Variants in RPS6KC1 observed in about 807,000 individuals in gnomAD.
RPS6KC1 encodes the protein ribosomal protein S6 kinase C1, also known as inactive ribosomal protein S6 kinase delta-1.
A neutral mutation model predicts 103.8 loss-of-function variants in RPS6KC1; 54 were observed. The observed-to-expected ratio is 0.52, with a 90% confidence interval of 0.42 to 0.65. The LOEUF is 0.65. Ranked by LOEUF, RPS6KC1 falls within the 30% of genes least tolerant of loss-of-function variation. The pLI is 0.00. For missense variants in RPS6KC1, 1,151 were observed against 1,253.8 expected (o/e 0.92, Z 1.24); for synonymous variants, 439 against 438.7 (o/e 1.00, Z -0.01).
At chr1:213,101,080 C>T (rs530478769) in intron 3 of RPS6KC1, among the ~76,000 whole-genome samples, 44 of 152,288 alleles carry the variant, frequency 2.9e-4, no homozygotes, top group African/African-American at 9.4e-4. Context: ...TGTGCAACCT[C>T]GCCAGCATCT....
chr1:213,444,042 G>T, the RPS6KC1 span, among the ~76,000 whole-genome samples: 6,733 of 152,274 alleles, frequency 0.044, 167 homozygotes, highest in African/African-American at 0.06. Flanking sequence ...GGAGCCAGCA[G>T]GGTGGTTCCT....
the RPS6KC1 span, among the ~76,000 whole-genome samples, chr1:213,653,356 G>A: frequency 3.3e-5 from 5 of 152,140 alleles, no homozygotes; most frequent in Non-Finnish European, 1.5e-5. Flanking sequence ...CTACTCAAGA[G>A]GCTGAGGTGA....
the RPS6KC1 span, among the ~76,000 whole-genome samples, chr1:213,317,841 A>G: frequency 1.3e-5 from 2 of 152,232 alleles, no homozygotes; most frequent in African/African-American, 4.8e-5. Flanking sequence ...GTCCAGGAAC[A>G]TATCCCATGG....
At chr1:213,280,192 G>A in the RPS6KC1 span, among the ~76,000 whole-genome samples, 1 of 152,182 alleles carries the variant, frequency 6.6e-6, no homozygotes, top group South Asian at 2.1e-4. Flanking sequence ...AGGGGATCAG[G>A]CAGTTGGATA....
At chr1:213,559,844 C>T in the RPS6KC1 span, among the ~76,000 whole-genome samples, 3 of 151,872 alleles carry the variant, frequency 2.0e-5, no homozygotes, top group Admixed American at 6.6e-5. Flanking sequence ...AAAATGTTAC[C>T]ATTTCAATAT....
intron 2 of RPS6KC1, among the ~76,000 whole-genome samples, chr1:213,073,925 C>T (rs1423121951): frequency 6.6e-6 from 1 of 152,154 alleles, no homozygotes; most frequent in Non-Finnish European, 1.5e-5. Context: ...ATCTGCTCAT[C>T]TCGGCCTCCC....
At chr1:213,242,789 C>A in intron 12 of RPS6KC1, 131 bp downstream of exon 12, 1 of 714,526 alleles carries the variant, frequency 1.4e-6, no homozygotes, top group Non-Finnish European at 2.3e-6. Context: ...TCTGTTTAAC[C>A]CTTCAAAAAA....
the RPS6KC1 span, among the ~76,000 whole-genome samples, chr1:213,446,226 A>G: frequency 6.6e-6 from 1 of 152,162 alleles, no homozygotes; most frequent in Non-Finnish European, 1.5e-5. Context: ...CCTGCAAAAA[A>G]TGACTTGCTT....
the RPS6KC1 span, among the ~76,000 whole-genome samples, chr1:213,428,531 T>TTCCTTC: frequency 8.3e-6 from 1 of 120,414 alleles, no homozygotes; most frequent in East Asian, 3.3e-4. Flanking sequence ...TTTCTCTCTC[T>TTCCTTC]CTCTCTCTCT....
chr1:213,528,171 G>A, the RPS6KC1 span, among the ~76,000 whole-genome samples: 2 of 152,148 alleles, frequency 1.3e-5, no homozygotes, highest in South Asian at 4.1e-4. Context: ...AATTTATAAA[G>A]GGAAGAGGTT....
At chr1:213,229,168 T>C (rs1392010993) in intron 8 of RPS6KC1, among the ~76,000 whole-genome samples, 1 of 152,176 alleles carries the variant, frequency 6.6e-6, no homozygotes, top group African/African-American at 2.4e-5. Flanking sequence ...GAAATTTAAA[T>C]AGTGTAGGTC....
chr1:213,385,330 TC>T, the RPS6KC1 span, among the ~76,000 whole-genome samples: 4 of 152,106 alleles, frequency 2.6e-5, no homozygotes, highest in Non-Finnish European at 5.9e-5. Flanking sequence ...TTATTCCCAT[TC>T]TACAGGTGAG....
At chr1:213,375,322 CAT>C in the RPS6KC1 span, among the ~76,000 whole-genome samples, 1 of 151,850 alleles carries the variant, frequency 6.6e-6, no homozygotes, top group Admixed American at 6.6e-5. Flanking sequence ...GGCATATACA[CAT>C]ATATACACAC....
At chr1:213,070,905 A>G (rs1317753915) in intron 1 of RPS6KC1, 101 bp from the exon 2 acceptor site, 13 of 725,920 alleles carry the variant, frequency 1.8e-5, no homozygotes, top group Non-Finnish European at 2.9e-5. Context: ...TTTTTAAGCA[A>G]ATTGAATTTT....
the RPS6KC1 span, among the ~76,000 whole-genome samples, chr1:213,383,533 A>G: frequency 5.4e-4 from 82 of 152,306 alleles, no homozygotes; most frequent in African/African-American, 1.9e-3. Flanking sequence ...CACTTCAAAG[A>G]ATTAATTGGG....
chr1:213,642,594 G>A, the RPS6KC1 span, among the ~76,000 whole-genome samples: 1 of 151,740 alleles, frequency 6.6e-6, no homozygotes, highest in Non-Finnish European at 1.5e-5. Context: ...TCAAGCCTTT[G>A]ATTATTATCT....
chr1:213,067,863 T>A (rs1448158487), intron 1 of RPS6KC1, among the ~76,000 whole-genome samples: 1 of 152,222 alleles, frequency 6.6e-6, no homozygotes, highest in South Asian at 2.1e-4. Flanking sequence ...TGTTTTTGTT[T>A]ATGCAGTACA....
chr1:213,509,200 C>T, the RPS6KC1 span, among the ~76,000 whole-genome samples: 1 of 152,244 alleles, frequency 6.6e-6, no homozygotes, highest in Admixed American at 6.5e-5. Context: ...CATACGATCA[C>T]CCTAAAATCA....
chr1:213,478,045 T>C, the RPS6KC1 span, among the ~76,000 whole-genome samples: 4 of 152,186 alleles, frequency 2.6e-5, no homozygotes, highest in African/African-American at 9.6e-5. Context: ...TTCTTCCCTC[T>C]AACCCCGATC....
Sources: gnomAD v4.1 joint callset for allele counts (sites outside exome capture counted in the v4.1 genomes callset) on GRCh38, gnomAD v4.1.1 for gene constraint, MANE v1.5 for transcripts, NCBI Gene and HGNC (gene_info 2026-07-23, HGNC 2026-07-21) for gene names.